MTX3: variants seen among roughly 807,000 people sequenced by gnomAD.
MTX3 encodes metaxin-3.
MTX3 carries 27 observed loss-of-function variants against 42.5 expected under a neutral mutation model. The ratio of observed to expected loss-of-function variants is 0.64; its 90% CI spans 0.47 to 0.88. The LOEUF is 0.88. MTX3 is among the 40% of genes least tolerant of loss of function. The pLI is 0.00. For synonymous variants in MTX3, 144 were observed against 132.9 expected, an observed-to-expected ratio of 1.08 and a Z score of -0.57; for missense variants, 378 against 367.0, an observed-to-expected ratio of 1.03 and a Z score of -0.25.
Position 79,985,634 on chromosome 5 carries a change from C to T in MTX3, c.765G>A (p.Thr255=), listed in dbSNP as rs747604998. Residue 255 remains threonine (T), a synonymous_variant, in exon 8 of 9, where the codon ACG becomes ACA. Coordinates refer to ENST00000512528, the MANE Select transcript of MTX3 (RefSeq NM_001363818.2). The stretch of plus-strand genomic sequence containing the variant: ...TGAGTTTCTGCAGATTTGCATCTAC[C>T]GTTTCTTGTCCAGCTGGAGAGATGC... The part of the protein sequence containing the change: ...LGGISPAGQE[T]VDANLQKLTQ... The T allele has an allele frequency of 7.8e-5, 126 of 1,612,990 alleles. No individual in the cohort carries two copies. Among genetic ancestry groups the T allele is most frequent in the Non-Finnish European group, 1.0e-4 (119 of 1,179,366 alleles).
Position 79,977,989 on chromosome 5 carries a change from C to T in MTX3, c.*5695G>A, listed in dbSNP as rs1180785791. ...GAACTGGGTAGTCTGCTGAAACCAC[C>T]AGTTCAGCAGACCCTTGTACAGCTG... On this transcript the variant is annotated 3_prime_UTR_variant, in exon 9 of 9. Coordinates refer to ENST00000512528, the MANE Select transcript of MTX3 (RefSeq NM_001363818.2). 6.6e-6 allele frequency: 1 copy of T among 152,184 alleles called. No individual in the cohort carries two copies. The highest frequency in any genetic ancestry group is 1.5e-5 in the Non-Finnish European group (1 of 68,020). 9.4% of individuals were successfully genotyped at this position (152,184 alleles called of 1,614,324 possible).
In MTX3 at chr5:79,978,423, C is replaced by G. The variant is rs10035281; in HGVS notation, c.*5261G>C. On this transcript the variant is annotated 3_prime_UTR_variant, in exon 9 of 9. Coordinates refer to ENST00000512528, the MANE Select transcript of MTX3 (RefSeq NM_001363818.2). ...TGGTCAACATGGTGAAACCCCATCT[C>G]TACTAAAAATACAAAAATTAGCTGG... 0.43 allele frequency: 65,719 copies of G among 151,876 alleles called. 14,293 individuals are homozygous for G. The highest frequency in any genetic ancestry group is 0.51 in the Middle Eastern group (151 of 294). 9.4% of individuals were successfully genotyped at this position (151,876 alleles called of 1,614,324 possible).
At position 79,989,218 on chromosome 5, in the gene MTX3, TGA is replaced by T. The variant is rs1408145833; in HGVS notation, c.253_254del (p.Ala86LysfsTer28). On this transcript the variant is annotated frameshift_variant, in exon 4 of 9. Coordinates refer to ENST00000512528, the MANE Select transcript of MTX3 (RefSeq NM_001363818.2). LOFTEE classifies it high-confidence loss of function. ...CCAATGTATCTGCCCCTTGTTTTGC[TGA>T]GAGTTCATAATCAGCATTATATTTC... ...KQKYNADYEL[S>X]AKQGADTLAY... 6.2e-7 allele frequency: 1 copy of T among 1,605,192 alleles called. No individual in the cohort carries two copies. The highest frequency in any genetic ancestry group is 8.5e-7 in the Non-Finnish European group (1 of 1,175,526).
rs868799815 is a variant in MTX3 at position 79,983,423 on chromosome 5, T to C, written c.*261A>G. 41 of 475,762 alleles carry C rather than the reference T, an allele frequency of 8.6e-5. No homozygotes were observed. The Middle Eastern group carries it at 2.4e-3, about 28-fold the overall frequency. 29.5% of individuals were successfully genotyped at this position (475,762 alleles called of 1,614,324 possible). A position where few individuals can be genotyped will look rare whatever the true frequency, so the allele number is the denominator to read the frequency against. On this transcript the variant is annotated 3_prime_UTR_variant, in exon 9 of 9. Transcript: ENST00000512528. Reference sequence around the variant, plus strand: ...AAATCTGCCATGATTAAGGCAGTTCTTTGTATACAGTACGATGTGTTTTTC... The same window carrying C: ...AAATCTGCCATGATTAAGGCAGTTCCTTGTATACAGTACGATGTGTTTTTC...
chr5:79,991,191 G>A lies in MTX3; in HGVS notation c.48C>T (p.Leu16=). The change falls in exon 1 of 9, where the codon CTC becomes CTT. Residue 16 remains leucine (L), a synonymous_variant. Coordinates refer to ENST00000512528, the MANE Select transcript of MTX3 (RefSeq NM_001363818.2). The stretch of plus-strand genomic sequence containing the variant: ...CCAGGGACTCGCTGTGAACCGATGG[G>A]AGTCCCCAGCCGCCTCCCCAGCAAC... ...ELSCWGGGWG[L]PSVHSESLVV... 5 of 1,499,708 alleles carry A rather than the reference G, an allele frequency of 3.3e-6. No individual in the cohort carries two copies. Among genetic ancestry groups the A allele is most frequent in the Non-Finnish European group, 3.6e-6 (4 of 1,117,886 alleles). 92.9% of individuals were successfully genotyped at this position (1,499,708 alleles called of 1,614,324 possible).
chr5:79,987,065 A>C lies in MTX3; in HGVS notation c.624T>G (p.Pro208=). 2 of 1,614,024 alleles carry C rather than the reference A, an allele frequency of 1.2e-6. No individual in the cohort carries two copies. The highest frequency in any genetic ancestry group is 1.7e-6 in the Non-Finnish European group (2 of 1,179,894). The change falls in exon 7 of 9, where the codon CCT becomes CCG. Residue 208 remains proline (P), a synonymous_variant. Coordinates refer to ENST00000512528, the MANE Select transcript of MTX3 (RefSeq NM_001363818.2). ...LDAYVFGFLA[P]LYKVRFPKVQ... ...CTTTAGGAAACCGTACTTTGTAAAGAGGTGCAAGAAAACCAAAAACATAGG... is the reference window on the plus strand; with the variant it reads ...CTTTAGGAAACCGTACTTTGTAAAGCGGTGCAAGAAAACCAAAAACATAGG...
intron 6 of MTX3, 52 bp from the exon 7 acceptor site, chr5:79,987,159 G>A: frequency 6.4e-7 from 1 of 1,555,310 alleles, no homozygotes; most frequent in South Asian, 1.1e-5. Flanking sequence ...TTAACTGAAG[G>A]CCGGGTGTGG....
In MTX3 at chr5:79,983,470, T is replaced by C; in HGVS notation, c.*214A>G. 2 of 372,344 alleles carry C rather than the reference T, an allele frequency of 5.4e-6. No individual in the cohort carries two copies. The highest frequency in any genetic ancestry group is 2.5e-5 in the African/African-American group (1 of 39,816). The allele number at this position is 372,344 out of a possible 1,614,324, so 23.1% of individuals were successfully genotyped here. ...TTTCTTCCCCGCCCCCCCAACCAAG[T>C]TCATTTAGCATTCTCTTTGTTATTA... On this transcript the variant is annotated 3_prime_UTR_variant, in exon 9 of 9. Coordinates refer to ENST00000512528, the MANE Select transcript of MTX3 (RefSeq NM_001363818.2).
intron 5 of MTX3, 60 bp from the exon 6 acceptor site, chr5:79,988,375 G>A: frequency 6.6e-7 from 1 of 1,507,492 alleles, no homozygotes; most frequent in Non-Finnish European, 9.1e-7. Flanking sequence ...TACTTTTGAG[G>A]AAGGCATCTC....
At chr5:79,986,413 C>A (rs1209480813) in intron 7 of MTX3, among the ~76,000 whole-genome samples, 5 of 152,220 alleles carry the variant, frequency 3.3e-5, no homozygotes, top group Non-Finnish European at 7.3e-5. Flanking sequence ...AAGCACAAGG[C>A]TCCACTCTCT....
chr5:79,983,820 T>C (rs1383750663), intron 8 of MTX3, 26 bp from the exon 9 acceptor site: 2 of 1,493,866 alleles, frequency 1.3e-6, no homozygotes, highest in Admixed American at 1.7e-5. Flanking sequence ...AAGATACATC[T>C]GACTAATGCT....
chr5:79,985,484 G>C (rs1005628931), intron 8 of MTX3, 87 bp downstream of exon 8: 3 of 841,846 alleles, frequency 3.6e-6, no homozygotes, highest in Non-Finnish European at 5.8e-6. Flanking sequence ...AACTAAAAGG[G>C]TACAGTTAAT....
At chr5:79,985,018 G>A (rs1056276556) in intron 8 of MTX3, among the ~76,000 whole-genome samples, 3 of 151,990 alleles carry the variant, frequency 2.0e-5, no homozygotes, top group Non-Finnish European at 2.9e-5. Context: ...GTCTCGCTCC[G>A]TTGCCCAGGC....
Position 79,985,636 on chromosome 5 carries a change from T to C in MTX3, c.763A>G (p.Thr255Ala), listed in dbSNP as rs761120242. 24 of 1,613,166 alleles carry C rather than the reference T, an allele frequency of 1.5e-5. No individual in the cohort carries two copies. The highest frequency in any genetic ancestry group is 1.9e-5 in the Non-Finnish European group (22 of 1,179,354). ...LGGISPAGQE[T>A]VDANLQKLTQ... ...AGTTTCTGCAGATTTGCATCTACCG[T>C]TTCTTGTCCAGCTGGAGAGATGCCT... is the stretch of plus-strand genomic sequence containing the variant. Residue 255 changes from threonine to alanine, a missense_variant, in exon 8 of 9, where the codon ACG (threonine) becomes GCG (alanine). Thr to Ala is a moderately conservative substitution (Grantham distance 58). Coordinates refer to ENST00000512528, the MANE Select transcript of MTX3 (RefSeq NM_001363818.2).
rs372714838 is a variant in MTX3, at chr5:79,985,648, C to G, written c.751G>C (p.Ala251Pro). The stretch of plus-strand genomic sequence containing the variant: ...TTTGCATCTACCGTTTCTTGTCCAG[C>G]TGGAGAGATGCCTAAGAAGCCAGGA... ...FRLSLGGISP[A>P]GQETVDANLQ... The change falls in exon 8 of 9, where the codon GCT becomes CCT. Residue 251 changes from alanine to proline, a missense_variant. Coordinates refer to ENST00000512528, the MANE Select transcript of MTX3 (RefSeq NM_001363818.2). 1.9e-6 allele frequency: 3 copies of G among 1,611,370 alleles called. No individual in the cohort carries two copies. In the South Asian group the frequency reaches 3.3e-5, roughly 18 times the overall value.
intron 3 of MTX3, among the ~76,000 whole-genome samples, chr5:79,989,855 G>A (rs1394928467): frequency 1.3e-5 from 2 of 152,156 alleles, no homozygotes; most frequent in Non-Finnish European, 2.9e-5. Flanking sequence ...CCAACTATGT[G>A]ACAAAATACA....
chr5:79,980,237 G>A lies in MTX3; in HGVS notation c.*3447C>T, dbSNP rs1204398487. The stretch of plus-strand genomic sequence containing the variant: ...TCACATGCAGCTGCCTTAACCAACA[G>A]GTTTTCTAAGATACTATCCCCCTTA... On this transcript the variant is annotated 3_prime_UTR_variant, in exon 9 of 9. Transcript: ENST00000512528. 6.6e-6 allele frequency: 1 copy of A among 151,968 alleles called. No individual in the cohort carries two copies. Among genetic ancestry groups the A allele is most frequent in the Non-Finnish European group, 1.5e-5 (1 of 67,990 alleles). The allele number at this position is 151,968 out of a possible 1,614,324, so 9.4% of individuals were successfully genotyped here. A position where few individuals can be genotyped will look rare whatever the true frequency, so the allele number is the denominator to read the frequency against.
At chr5:79,985,306 T>C (rs1391716947) in intron 8 of MTX3, among the ~76,000 whole-genome samples, 1 of 152,098 alleles carries the variant, frequency 6.6e-6, no homozygotes, top group Non-Finnish European at 1.5e-5. Flanking sequence ...AGCAAATCTT[T>C]TGGATTTCCT....
chr5:79,985,773 C>A, intron 7 of MTX3, 114 bp from the exon 8 acceptor site: 2 of 638,326 alleles, frequency 3.1e-6, no homozygotes, highest in South Asian at 2.1e-5. Context: ...CCACCCTCCC[C>A]AAAAAAGGCA....
Sources: allele counts gnomAD v4.1 joint callset (sites outside exome capture counted in the v4.1 genomes callset), GRCh38; gene constraint gnomAD v4.1.1; transcripts MANE v1.5; gene names NCBI Gene and HGNC (gene_info 2026-07-23, HGNC 2026-07-21).